The following PRKACB variants were observed in gnomAD, a reference collection of about 807,000 sequenced individuals.
PRKACB encodes cAMP-dependent protein kinase catalytic subunit beta.
A neutral mutation model predicts 51.4 loss-of-function variants in PRKACB; 16 were observed. That is an observed-to-expected ratio of 0.31 (90% CI 0.21 to 0.47). PRKACB has a LOEUF of 0.47. PRKACB is among the 20% of genes least tolerant of loss of function. The pLI is 1.00. For synonymous variants in PRKACB, 147 were observed against 154.4 expected (o/e 0.95, Z 0.35); for missense variants, 309 against 464.5 (o/e 0.67, Z 3.08).
At chr1:84,164,594 C>A in intron 1 of PRKACB, 1 of 1,366,184 alleles carries the variant, frequency 7.3e-7, no homozygotes, top group Non-Finnish European at 9.7e-7. Flanking sequence ...GCCTTGGATA[C>A]AAGTGAACCG....
chr1:84,215,494 T>C (rs919734338), intron 9 of PRKACB, among the ~76,000 whole-genome samples: 1 of 152,188 alleles, frequency 6.6e-6, no homozygotes, highest in Non-Finnish European at 1.5e-5. Context: ...GTTTGACTCT[T>C]TGCTCGCTAA....
chr1:84,198,703 TA>T (rs545915527), intron 7 of PRKACB, among the ~76,000 whole-genome samples: 100 of 151,526 alleles, frequency 6.6e-4, no homozygotes, highest in African/African-American at 2.3e-3. Flanking sequence ...GTATATATTG[TA>T]AAAGTAATAC....
chr1:84,194,455 C>T (rs1227815760), intron 5 of PRKACB, among the ~76,000 whole-genome samples: 1 of 152,168 alleles, frequency 6.6e-6, no homozygotes. Context: ...TATTGTTTAG[C>T]ATGGCTTTAA....
chr1:84,231,789 G>A (rs1259943347), intron 9 of PRKACB, among the ~76,000 whole-genome samples: 1 of 151,962 alleles, frequency 6.6e-6, no homozygotes, highest in African/African-American at 2.4e-5. Context: ...ATTTTTTATT[G>A]CGTCTATTTG....
chr1:84,209,105 G>C (rs1392790129), intron 8 of PRKACB, among the ~76,000 whole-genome samples: 1 of 152,082 alleles, frequency 6.6e-6, no homozygotes, highest in Non-Finnish European at 1.5e-5. Context: ...TCCTTCACTT[G>C]GCTTCAGTGA....
At chr1:84,232,160 G>C (rs552845943) in intron 9 of PRKACB, among the ~76,000 whole-genome samples, 6 of 152,122 alleles carry the variant, frequency 3.9e-5, no homozygotes, top group Admixed American at 3.9e-4. Flanking sequence ...CTTTATTTCT[G>C]CCTTCATTTC....
chr1:84,088,359 CT>C (rs761345618), intron 1 of PRKACB, among the ~76,000 whole-genome samples: 72 of 152,254 alleles, frequency 4.7e-4, no homozygotes, highest in Non-Finnish European at 7.5e-4. Context: ...TCGATCTGGA[CT>C]TTGTCCTTAG....
At chr1:84,225,579 C>T (rs1250772658) in intron 9 of PRKACB, among the ~76,000 whole-genome samples, 1 of 152,096 alleles carries the variant, frequency 6.6e-6, no homozygotes, top group African/African-American at 2.4e-5. Flanking sequence ...TGGTAGTTGG[C>T]TTCTCAAAAT....
chr1:84,213,822 G>C (rs1361482814), intron 8 of PRKACB, among the ~76,000 whole-genome samples: 1 of 152,108 alleles, frequency 6.6e-6, no homozygotes, highest in Non-Finnish European at 1.5e-5. Context: ...ATGATCCAAA[G>C]AGATTGCTCT....
intron 1 of PRKACB, among the ~76,000 whole-genome samples, chr1:84,113,707 A>G (rs1219674891): frequency 2.6e-5 from 4 of 152,216 alleles, no homozygotes; most frequent in Non-Finnish European, 4.4e-5. Flanking sequence ...CAACATGATA[A>G]ACCGCAAAAA....
At chr1:84,105,600 G>A (rs1649676170) in intron 1 of PRKACB, among the ~76,000 whole-genome samples, 1 of 151,348 alleles carries the variant, frequency 6.6e-6, no homozygotes, top group African/African-American at 2.4e-5. Context: ...TACTGAGACA[G>A]GGTCTCCTTC....
intron 1 of PRKACB, among the ~76,000 whole-genome samples, chr1:84,119,265 A>C (rs1306966511): frequency 6.6e-6 from 1 of 152,172 alleles, no homozygotes; most frequent in Non-Finnish European, 1.5e-5. Context: ...ATATCATAGA[A>C]GAGCATCTAG....
At chr1:84,097,411 T>C (rs912527291) in intron 1 of PRKACB, among the ~76,000 whole-genome samples, 3 of 152,010 alleles carry the variant, frequency 2.0e-5, no homozygotes, top group African/African-American at 4.8e-5. Context: ...TTGCCCCACA[T>C]CTTCACCATC....
intron 1 of PRKACB, among the ~76,000 whole-genome samples, chr1:84,128,810 T>A (rs572134667): frequency 1.3e-5 from 2 of 152,294 alleles, no homozygotes; most frequent in African/African-American, 4.8e-5. Flanking sequence ...TATTGCCCAG[T>A]TTTGCCCATG....
chr1:84,219,768 G>A (rs75154336), intron 9 of PRKACB, among the ~76,000 whole-genome samples: 4,410 of 151,558 alleles, frequency 0.029, 248 homozygotes, highest in African/African-American at 0.1. Context: ...GTAATATGTG[G>A]ATTTATTTAT....
chr1:84,156,499 T>C (rs1655521741), intron 1 of PRKACB, among the ~76,000 whole-genome samples: 1 of 152,282 alleles, frequency 6.6e-6, no homozygotes, highest in South Asian at 2.1e-4. Context: ...ATTTCCTTAA[T>C]TTATACTCAT....
rs1286118405 is a variant in PRKACB, at chr1:84,237,754, T to C, written c.*2449T>C. ...AAAATTACATATTTGAAACAGAAGA[T>C]ATTATGTTATGCTCAGTAAATAATT... On this transcript the variant is annotated 3_prime_UTR_variant, in exon 10 of 10. Coordinates refer to ENST00000370685, the MANE Select transcript of PRKACB (RefSeq NM_182948.4). 6.6e-6 allele frequency: 1 copy of C among 152,184 alleles called. No individual in the cohort carries two copies. Among genetic ancestry groups the C allele is most frequent in the Non-Finnish European group, 1.5e-5 (1 of 67,992 alleles). The allele number at this position is 152,184 out of a possible 1,614,324, so 9.4% of individuals were successfully genotyped here. A position where few individuals can be genotyped will look rare whatever the true frequency, so the allele number is the denominator to read the frequency against.
At chr1:84,099,104 A>G (rs1649145757) in intron 1 of PRKACB, among the ~76,000 whole-genome samples, 1 of 152,100 alleles carries the variant, frequency 6.6e-6, no homozygotes, top group Admixed American at 6.6e-5. Context: ...ATATTGTATT[A>G]GAAAGGTTAG....
intron 5 of PRKACB, among the ~76,000 whole-genome samples, chr1:84,195,372 G>T (rs1667921059): frequency 6.6e-6 from 1 of 152,184 alleles, no homozygotes; most frequent in Admixed American, 6.5e-5. Flanking sequence ...AAAGTCTTTT[G>T]TTGGAATTTG....
Sources: allele counts gnomAD v4.1 joint callset (sites outside exome capture counted in the v4.1 genomes callset), GRCh38; gene constraint gnomAD v4.1.1; transcripts MANE v1.5; gene names NCBI Gene and HGNC (gene_info 2026-07-23, HGNC 2026-07-21).